PDE8A: variants seen among roughly 807,000 people sequenced by gnomAD.
PDE8A encodes phosphodiesterase 8A.
In PDE8A, 59 loss-of-function variants were observed where a neutral mutation model predicts 105.0. The ratio of observed to expected loss-of-function variants is 0.56; its 90% confidence interval spans 0.46 to 0.70. The LOEUF is 0.70. PDE8A is among the 30% of genes least tolerant of loss of function. The pLI is 0.00. For missense variants in PDE8A, 1,014 were observed against 1,045.9 expected (o/e 0.97, Z 0.42); for synonymous variants, 355 against 371.9 (o/e 0.95, Z 0.52).
At position 85,033,196 on chromosome 15, in the gene PDE8A, A is replaced by G. The variant is rs560540519; in HGVS notation, c.187-31174A>G. On this transcript the variant is annotated intron_variant, in intron 1 of 21. Transcript: ENST00000394553. Reference sequence around the variant, plus strand: ...ACAGATCTCAGGAAAAGAGAGAGACATTTTCCAACGTAAGGGACACACCCT... The same window carrying G: ...ACAGATCTCAGGAAAAGAGAGAGACGTTTTCCAACGTAAGGGACACACCCT... Among the ~76,000 whole-genome samples, 6 of 152,304 alleles carry G rather than the reference A, an allele frequency of 3.9e-5. No individual in the cohort carries two copies. In the East Asian group the frequency reaches 9.7e-4, roughly 25 times the overall value.
chr15:85,071,387 T>C (rs2081308543), intron 3 of PDE8A, among the ~76,000 whole-genome samples: 3 of 152,340 alleles, frequency 2.0e-5, no homozygotes. Context: ...CCCTGATTCT[T>C]TACTTTCTGC....
chr15:85,127,815 T>C (rs1053550925), intron 20 of PDE8A, among the ~76,000 whole-genome samples: 1 of 151,994 alleles, frequency 6.6e-6, no homozygotes, highest in African/African-American at 2.4e-5. Flanking sequence ...GTTTCTAAAT[T>C]ATATATGAAA....
At chr15:85,006,795 C>A (rs538076091) in intron 1 of PDE8A, among the ~76,000 whole-genome samples, 1 of 151,624 alleles carries the variant, frequency 6.6e-6, no homozygotes, top group African/African-American at 2.4e-5. Flanking sequence ...TACTGTATTG[C>A]GAGTGGGAGG....
At chr15:85,100,936 T>TG (rs1286786768) in intron 11 of PDE8A, among the ~76,000 whole-genome samples, 2 of 152,252 alleles carry the variant, frequency 1.3e-5, no homozygotes, top group Non-Finnish European at 2.9e-5. Flanking sequence ...GTTGGTGACA[T>TG]GCTTTCTGCC....
chr15:85,055,157 C>T (rs11073905), intron 1 of PDE8A, among the ~76,000 whole-genome samples: 70,517 of 151,982 alleles, frequency 0.46, 16,473 homozygotes, highest in Middle Eastern at 0.54. Flanking sequence ...TCTAGTTTGA[C>T]TGCACTGTGG....
At chr15:85,005,511 G>A (rs1008894585) in intron 1 of PDE8A, among the ~76,000 whole-genome samples, 1 of 152,098 alleles carries the variant, frequency 6.6e-6, no homozygotes, top group African/African-American at 2.4e-5. Context: ...TAGCACCTCC[G>A]TCTTGAAAAA....
chr15:85,044,510 T>C (rs913321001), intron 1 of PDE8A, among the ~76,000 whole-genome samples: 1 of 152,170 alleles, frequency 6.6e-6, no homozygotes, highest in Non-Finnish European at 1.5e-5. Flanking sequence ...CAGTTGCTAC[T>C]AAGATGCCTT....
intron 5 of PDE8A, among the ~76,000 whole-genome samples, chr15:85,082,656 G>C (rs75885425): frequency 1.3e-5 from 2 of 152,152 alleles, no homozygotes; most frequent in Admixed American, 1.3e-4. Context: ...CTTATAGATA[G>C]TGATATGCAG....
intron 11 of PDE8A, among the ~76,000 whole-genome samples, chr15:85,101,571 T>G (rs2081862852): frequency 6.6e-6 from 1 of 151,972 alleles, no homozygotes; most frequent in Non-Finnish European, 1.5e-5. Flanking sequence ...ACAGTGGGAG[T>G]CTGAGGATTT....
chr15:85,028,301 A>G (rs1017975725), intron 1 of PDE8A, among the ~76,000 whole-genome samples: 4 of 152,104 alleles, frequency 2.6e-5, no homozygotes, highest in African/African-American at 9.7e-5. Context: ...TGCAGCCTGG[A>G]ACTCCTGGGC....
At chr15:84,994,544 A>G (rs1417054796) in intron 1 of PDE8A, among the ~76,000 whole-genome samples, 2 of 152,220 alleles carry the variant, frequency 1.3e-5, no homozygotes, top group African/African-American at 4.8e-5. Context: ...AGGATTTTTC[A>G]CAGGGTACCC....
At chr15:85,083,876 A>G (rs1255672605) in intron 6 of PDE8A, among the ~76,000 whole-genome samples, 4 of 152,166 alleles carry the variant, frequency 2.6e-5, no homozygotes, top group African/African-American at 9.7e-5. Flanking sequence ...AAATAATAGT[A>G]AGTTTAAAAA....
intron 1 of PDE8A, among the ~76,000 whole-genome samples, chr15:85,047,813 T>G (rs2080910703): frequency 6.6e-6 from 1 of 152,212 alleles, no homozygotes; most frequent in South Asian, 2.1e-4. Context: ...CTATCCAGAC[T>G]TTTATCTTTT....
rs916259073 is a variant in PDE8A, at chr15:85,136,706, T to C, written c.2383+43T>C. The C allele has an allele frequency of 3.8e-6, 6 of 1,587,710 alleles. No homozygotes were observed. In the African/African-American group the frequency reaches 8.1e-5, roughly 21 times the overall value. Reference sequence around the variant, plus strand: ...AAATAGCATATTTTCCTCTAAATAATGGGGAACCGCGTATGAAAGAGCAGA... The same window carrying C: ...AAATAGCATATTTTCCTCTAAATAACGGGGAACCGCGTATGAAAGAGCAGA... On this transcript the variant is annotated intron_variant, in intron 21 of 21. Coordinates refer to ENST00000394553, the MANE Select transcript of PDE8A (RefSeq NM_002605.3).
intron 1 of PDE8A, among the ~76,000 whole-genome samples, chr15:85,025,985 G>C (rs777584585): frequency 3.1e-4 from 47 of 152,188 alleles, no homozygotes; most frequent in African/African-American, 1.1e-3. Flanking sequence ...ATTTCAACTT[G>C]TATGAATATG....
chr15:85,096,497 T>C (rs2081756186), intron 8 of PDE8A, among the ~76,000 whole-genome samples: 2 of 152,224 alleles, frequency 1.3e-5, no homozygotes, highest in African/African-American at 4.8e-5. Flanking sequence ...GTTCTTAGTA[T>C]ATTCACAGTT....
chr15:85,106,303 C>T (rs998099534), intron 11 of PDE8A, among the ~76,000 whole-genome samples: 1 of 152,084 alleles, frequency 6.6e-6, no homozygotes, highest in Non-Finnish European at 1.5e-5. Context: ...TCTGCCACTT[C>T]CCCCTCCAGG....
intron 11 of PDE8A, among the ~76,000 whole-genome samples, chr15:85,100,730 C>T (rs2081848862): frequency 6.6e-6 from 1 of 152,198 alleles, no homozygotes; most frequent in Admixed American, 6.5e-5. Context: ...CTTCAGCAAG[C>T]CACTTCCTGT....
chr15:85,093,007 C>T (rs1007825173), intron 8 of PDE8A, among the ~76,000 whole-genome samples: 64 of 151,320 alleles, frequency 4.2e-4, no homozygotes, highest in African/African-American at 1.6e-3. Context: ...CTCCTGGGCT[C>T]AGGCAGTCCT....
Sources: gnomAD v4.1 joint callset for allele counts (sites outside exome capture counted in the v4.1 genomes callset) on GRCh38, gnomAD v4.1.1 for gene constraint, MANE v1.5 for transcripts, NCBI Gene and HGNC (gene_info 2026-07-23, HGNC 2026-07-21) for gene names.